Variants in SPMIP2 observed in about 807,000 individuals in gnomAD.
The protein encoded by SPMIP2 is sperm microtubule inner protein 2.
the SPMIP2 span, among the ~76,000 whole-genome samples, chr4:159,031,530 C>T: frequency 6.6e-6 from 1 of 152,140 alleles, no homozygotes; most frequent in African/African-American, 2.4e-5. Context: ...GTGTTGGATC[C>T]TTATTCTCAA....
chr4:159,052,549 T>A, the SPMIP2 span, among the ~76,000 whole-genome samples: 1 of 152,164 alleles, frequency 6.6e-6, no homozygotes, highest in Non-Finnish European at 1.5e-5. Context: ...TGAGGCTCCA[T>A]CTTCTCTTCC....
At chr4:158,924,149 A>G in the SPMIP2 span, among the ~76,000 whole-genome samples, 1 of 152,302 alleles carries the variant, frequency 6.6e-6, no homozygotes, top group East Asian at 1.9e-4. Context: ...CCCTAACAGT[A>G]CCTTGATCTT....
At chr4:158,908,666 A>G in the SPMIP2 span, among the ~76,000 whole-genome samples, 1 of 152,300 alleles carries the variant, frequency 6.6e-6, no homozygotes, top group African/African-American at 2.4e-5. Flanking sequence ...GCATTCATGA[A>G]GACTCTGTAT....
chr4:158,981,389 C>A, the SPMIP2 span, among the ~76,000 whole-genome samples: 1 of 151,986 alleles, frequency 6.6e-6, no homozygotes, highest in African/African-American at 2.4e-5. Context: ...AGAGCAACCC[C>A]AAGACACATA....
chr4:159,068,420 A>G, the SPMIP2 span, among the ~76,000 whole-genome samples: 2 of 151,824 alleles, frequency 1.3e-5, no homozygotes, highest in African/African-American at 4.8e-5. Context: ...ACAAAAAACC[A>G]AACACCCCAT....
the SPMIP2 span, among the ~76,000 whole-genome samples, chr4:159,000,172 G>A: frequency 9.9e-5 from 15 of 151,986 alleles, no homozygotes; most frequent in Non-Finnish European, 1.8e-4. Flanking sequence ...AGTTAAATTC[G>A]GATTTCAGAT....
the SPMIP2 span, chr4:158,960,409 C>A: frequency 2.2e-6 from 2 of 909,746 alleles, no homozygotes; most frequent in South Asian, 1.7e-5. Flanking sequence ...TCTAAGTATC[C>A]ATATTTCTAG....
chr4:159,007,153 G>C, the SPMIP2 span: 2 of 808,068 alleles, frequency 2.5e-6, no homozygotes, highest in South Asian at 2.6e-5. Flanking sequence ...CCTGAGACGG[G>C]AGGCCTGTAA....
At chr4:158,942,499 T>C in the SPMIP2 span, among the ~76,000 whole-genome samples, 1 of 152,216 alleles carries the variant, frequency 6.6e-6, no homozygotes, top group African/African-American at 2.4e-5. Flanking sequence ...CTGGACACTG[T>C]GGCTCACACC....
the SPMIP2 span, among the ~76,000 whole-genome samples, chr4:158,967,958 C>T: frequency 6.6e-6 from 1 of 152,150 alleles, no homozygotes; most frequent in South Asian, 2.1e-4. Context: ...CAATAAAGTG[C>T]TTACAAAATA....
At chr4:158,967,025 G>A in the SPMIP2 span, among the ~76,000 whole-genome samples, 2 of 152,160 alleles carry the variant, frequency 1.3e-5, no homozygotes, top group African/African-American at 4.8e-5. Flanking sequence ...TACTCTTTGT[G>A]CAACTGCTTT....
chr4:158,898,213 C>A, the SPMIP2 span, among the ~76,000 whole-genome samples: 7 of 152,260 alleles, frequency 4.6e-5, no homozygotes, highest in African/African-American at 1.7e-4. Flanking sequence ...GTTTTGGTAC[C>A]AATACCGTGC....
At chr4:158,988,663 AAAAGGCC>A in the SPMIP2 span, among the ~76,000 whole-genome samples, 29 of 152,310 alleles carry the variant, frequency 1.9e-4, no homozygotes, top group African/African-American at 6.7e-4. Flanking sequence ...ATAGATGCAG[AAAAGGCC>A]TTCAACAAAA....
chr4:158,987,436 G>A, the SPMIP2 span, among the ~76,000 whole-genome samples: 1 of 152,088 alleles, frequency 6.6e-6, no homozygotes, highest in African/African-American at 2.4e-5. Flanking sequence ...TATACACCAT[G>A]GAATACTATG....
the SPMIP2 span, among the ~76,000 whole-genome samples, chr4:158,974,089 A>G: frequency 1.3e-5 from 2 of 152,030 alleles, no homozygotes; most frequent in Non-Finnish European, 2.9e-5. Flanking sequence ...ATCTAGGTAG[A>G]TAAAAATCTG....
At chr4:158,987,215 T>A in the SPMIP2 span, among the ~76,000 whole-genome samples, 2 of 149,090 alleles carry the variant, frequency 1.3e-5, no homozygotes, top group Non-Finnish European at 3.0e-5. Flanking sequence ...ATTGTGGAAG[T>A]CAGTGTGGCA....
the SPMIP2 span, among the ~76,000 whole-genome samples, chr4:158,974,617 T>C: frequency 1.3e-5 from 2 of 152,206 alleles, no homozygotes; most frequent in Non-Finnish European, 2.9e-5. Flanking sequence ...TTCATTCATG[T>C]CCCTCCAAAG....
the SPMIP2 span, among the ~76,000 whole-genome samples, chr4:159,002,337 CAGA>C: frequency 7.0e-6 from 1 of 142,096 alleles, no homozygotes; most frequent in Non-Finnish European, 1.6e-5. Context: ...TTGTGAAGAG[CAGA>C]AGTTTTTAAT....
At chr4:158,979,174 G>A in the SPMIP2 span, among the ~76,000 whole-genome samples, 15 of 152,144 alleles carry the variant, frequency 9.9e-5, no homozygotes, top group Admixed American at 5.2e-4. Context: ...ACCTACTCAC[G>A]CCTCAGTAAT....
Sources: allele counts gnomAD v4.1 joint callset (sites outside exome capture counted in the v4.1 genomes callset), GRCh38; gene constraint gnomAD v4.1.1; transcripts MANE v1.5; gene names NCBI Gene and HGNC (gene_info 2026-07-23, HGNC 2026-07-21).